Variants in RNGTT observed in about 807,000 individuals in gnomAD.
RNGTT encodes the protein RNA guanylyltransferase and 5'-phosphatase, also known as mRNA-capping enzyme.
RNGTT carries 33 observed loss-of-function variants against 79.3 expected under a neutral mutation model. That is an observed-to-expected ratio of 0.42 (90% CI 0.32 to 0.56). The LOEUF (loss-of-function observed/expected upper bound fraction) is 0.56. Ranked by LOEUF, RNGTT falls within the 20% of genes least tolerant of loss-of-function variation. The pLI, the probability that RNGTT is intolerant of heterozygous loss-of-function variation, is 0.17. For synonymous variants in RNGTT, 222 were observed against 235.9 expected, an observed-to-expected ratio of 0.94 and a Z score of 0.54; for missense variants, 497 against 739.1, an observed-to-expected ratio of 0.67 and a Z score of 3.80.
intron 13 of RNGTT, among the ~76,000 whole-genome samples, chr6:88,738,241 AC>A (rs1777349840): frequency 1.3e-5 from 2 of 152,186 alleles, no homozygotes; most frequent in Non-Finnish European, 2.9e-5. Flanking sequence ...ATCCTATAAT[AC>A]ATTTGAGCAG....
intron 4 of RNGTT, among the ~76,000 whole-genome samples, chr6:88,912,921 C>A (rs1250785048): frequency 6.6e-6 from 1 of 151,970 alleles, no homozygotes; most frequent in Non-Finnish European, 1.5e-5. Context: ...CAAAAAAGCC[C>A]TAGTCAGGCA....
chr6:88,869,759 T>C (rs1050602663), intron 8 of RNGTT, among the ~76,000 whole-genome samples: 1 of 152,226 alleles, frequency 6.6e-6, no homozygotes, highest in South Asian at 2.1e-4. Context: ...AAAATAAATA[T>C]ATTATGGACT....
chr6:88,693,923 C>T (rs531916926), intron 13 of RNGTT, among the ~76,000 whole-genome samples: 15 of 152,056 alleles, frequency 9.9e-5, no homozygotes, highest in African/African-American at 3.6e-4. Context: ...AGAAAAAATT[C>T]TCAAATAGGT....
At chr6:88,735,585 A>C (rs1777259679) in intron 13 of RNGTT, among the ~76,000 whole-genome samples, 1 of 151,222 alleles carries the variant, frequency 6.6e-6, no homozygotes, top group African/African-American at 2.4e-5. Flanking sequence ...AAAAAAAAGA[A>C]AGAAAGAAAA....
intron 11 of RNGTT, among the ~76,000 whole-genome samples, chr6:88,842,030 G>A (rs539422746): frequency 6.6e-6 from 1 of 152,276 alleles, no homozygotes; most frequent in East Asian, 1.9e-4. Flanking sequence ...CTATGAATTA[G>A]AACCATCAAT....
chr6:88,828,087 T>C (rs1309167493), intron 11 of RNGTT, among the ~76,000 whole-genome samples: 2 of 152,096 alleles, frequency 1.3e-5, no homozygotes, highest in East Asian at 1.9e-4. Context: ...CCCCAGTGCC[T>C]ACTGACTGGG....
At chr6:88,616,257 T>C (rs951366093) in intron 14 of RNGTT, among the ~76,000 whole-genome samples, 2 of 152,248 alleles carry the variant, frequency 1.3e-5, no homozygotes, top group Non-Finnish European at 2.9e-5. Flanking sequence ...CATCTGTCAA[T>C]GGACACGTGG....
intron 2 of RNGTT, among the ~76,000 whole-genome samples, chr6:88,940,669 G>A (rs146415122): frequency 9.2e-5 from 14 of 152,198 alleles, no homozygotes; most frequent in South Asian, 2.1e-4. Context: ...GTACAGGGAC[G>A]GGGTGAGGAG....
intron 11 of RNGTT, among the ~76,000 whole-genome samples, chr6:88,841,929 A>T (rs1189702567): frequency 6.6e-6 from 1 of 152,222 alleles, no homozygotes; most frequent in Admixed American, 6.5e-5. Context: ...ATCAGTATAC[A>T]ATCAAGCATG....
chr6:88,892,626 AC>A (rs1038510211), intron 6 of RNGTT, among the ~76,000 whole-genome samples: 13 of 152,002 alleles, frequency 8.6e-5, no homozygotes, highest in African/African-American at 2.9e-4. Flanking sequence ...CAAATAAGGA[AC>A]CCTTCTGGAA....
intron 13 of RNGTT, among the ~76,000 whole-genome samples, chr6:88,680,085 A>G (rs1000063405): frequency 2.6e-5 from 4 of 152,180 alleles, no homozygotes; most frequent in Non-Finnish European, 4.4e-5. Context: ...AAAACTAAAC[A>G]ACAACTGCAA....
At chr6:88,721,925 T>C (rs1776722651) in intron 13 of RNGTT, among the ~76,000 whole-genome samples, 1 of 152,036 alleles carries the variant, frequency 6.6e-6, no homozygotes. Context: ...CAATGCTACC[T>C]TTTTAAATCT....
intron 8 of RNGTT, among the ~76,000 whole-genome samples, chr6:88,879,167 C>G (rs1444582222): frequency 6.6e-6 from 1 of 152,058 alleles, no homozygotes; most frequent in Non-Finnish European, 1.5e-5. Flanking sequence ...GAGGCTGAGG[C>G]GAGCAGATCA....
chr6:88,932,486 G>A (rs940756541), intron 2 of RNGTT, among the ~76,000 whole-genome samples: 2 of 152,042 alleles, frequency 1.3e-5, no homozygotes, highest in African/African-American at 4.8e-5. Context: ...TTTGAAAATC[G>A]CTAATAAAAA....
chr6:88,724,044 A>C (rs1776800512), intron 13 of RNGTT, among the ~76,000 whole-genome samples: 1 of 152,060 alleles, frequency 6.6e-6, no homozygotes, highest in Non-Finnish European at 1.5e-5. Context: ...TTTTAACCTA[A>C]CTCTTTTTAC....
chr6:88,691,415 T>C (rs2756351), intron 13 of RNGTT, among the ~76,000 whole-genome samples: 40,515 of 152,120 alleles, frequency 0.27, 9,452 homozygotes, highest in African/African-American at 0.63. Flanking sequence ...AATGCAAGAA[T>C]GAACCAATAC....
intron 11 of RNGTT, among the ~76,000 whole-genome samples, chr6:88,825,831 A>T (rs1472998872): frequency 6.6e-6 from 1 of 152,202 alleles, no homozygotes; most frequent in Non-Finnish European, 1.5e-5. Context: ...CCTTATGTTC[A>T]TATAAATTGT....
intron 10 of RNGTT, among the ~76,000 whole-genome samples, chr6:88,847,048 A>C (rs145026139): frequency 5.3e-5 from 8 of 152,322 alleles, no homozygotes; most frequent in African/African-American, 1.9e-4. Context: ...CACATATCCT[A>C]ACAAATACAT....
intron 4 of RNGTT, among the ~76,000 whole-genome samples, chr6:88,920,228 C>G (rs1036039371): frequency 6.6e-5 from 10 of 152,160 alleles, no homozygotes; most frequent in Non-Finnish European, 1.5e-5. Context: ...TACCAAAATC[C>G]TCCGATGCTC....
Sources: gnomAD v4.1 joint callset for allele counts (sites outside exome capture counted in the v4.1 genomes callset) on GRCh38, gnomAD v4.1.1 for gene constraint, MANE v1.5 for transcripts, NCBI Gene and HGNC (gene_info 2026-07-23, HGNC 2026-07-21) for gene names.